ANKS1B: variants seen among roughly 807,000 people sequenced by gnomAD.
ANKS1B encodes the protein ankyrin repeat and sterile alpha motif domain containing 1B.
Under a neutral mutation model 148.3 loss-of-function variants are expected in ANKS1B, and 36 were observed. The ratio of observed to expected loss-of-function variants is 0.24; its 90% CI spans 0.19 to 0.32. The LOEUF (loss-of-function observed/expected upper bound fraction) is 0.32, where lower values mean the gene tolerates loss of function less well. Among genes scored for constraint, ANKS1B ranks in the 10% least tolerant of loss-of-function variants. ANKS1B has a pLI of 1.00. For synonymous variants in ANKS1B, 542 were observed against 560.8 expected (o/e 0.97, Z 0.47); for missense variants, 1,157 against 1,542.6 (o/e 0.75, Z 4.19).
At chr12:98,891,055 G>A (rs1394758093) in intron 17 of ANKS1B, among the ~76,000 whole-genome samples, 1 of 152,154 alleles carries the variant, frequency 6.6e-6, no homozygotes, top group African/African-American at 2.4e-5. Context: ...TTTCAGTTTA[G>A]TACATTAATT....
chr12:99,983,170 G>T (rs2095731743), intron 1 of ANKS1B, among the ~76,000 whole-genome samples: 1 of 152,136 alleles, frequency 6.6e-6, no homozygotes, highest in African/African-American at 2.4e-5. Context: ...AGGATAAATT[G>T]GATAGCCACG....
intron 16 of ANKS1B, among the ~76,000 whole-genome samples, chr12:99,075,247 TTCCTG>T (rs1019598808): frequency 5.8e-4 from 88 of 152,268 alleles, no homozygotes; most frequent in Middle Eastern, 3.4e-3. Context: ...AGTGATGCAT[TTCCTG>T]TCCTGGCAAT....
chr12:99,039,476 G>A (rs570690882), intron 17 of ANKS1B, among the ~76,000 whole-genome samples: 2 of 152,362 alleles, frequency 1.3e-5, no homozygotes, highest in East Asian at 1.9e-4. Context: ...TCTTCAAGGA[G>A]TTTGGTGTCT....
intron 12 of ANKS1B, among the ~76,000 whole-genome samples, chr12:99,348,351 C>A (rs916685276): frequency 1.3e-5 from 2 of 151,806 alleles, no homozygotes; most frequent in Admixed American, 1.3e-4. Context: ...TACCCCCTAC[C>A]TGAACAAATC....
intron 9 of ANKS1B, among the ~76,000 whole-genome samples, chr12:99,507,771 T>C (rs1034761435): frequency 6.6e-6 from 1 of 151,784 alleles, no homozygotes; most frequent in African/African-American, 2.4e-5. Context: ...AGAGAGATAG[T>C]TGAACAAAAT....
At chr12:99,031,038 T>C (rs2099951786) in intron 17 of ANKS1B, among the ~76,000 whole-genome samples, 1 of 152,254 alleles carries the variant, frequency 6.6e-6, no homozygotes, top group African/African-American at 2.4e-5. Context: ...CTATTCCTTC[T>C]TTATTTTCCA....
chr12:99,346,379 A>ACG (rs927581488), intron 12 of ANKS1B, among the ~76,000 whole-genome samples: 1 of 145,574 alleles, frequency 6.9e-6, no homozygotes, highest in Non-Finnish European at 1.5e-5. Flanking sequence ...TCTCTCACAC[A>ACG]CGCACACACA....
In ANKS1B at chr12:99,022,354, C is replaced by T. The variant is rs569304577; in HGVS notation, c.2778+30803G>A. On this transcript the variant is annotated intron_variant, in intron 17 of 26. Coordinates refer to ENST00000683438, the MANE Select transcript of ANKS1B (RefSeq NM_001352186.2). Reference sequence around the variant, plus strand: ...AAGGCTGCACAACAGAGAACTCCCACATTGGACTATAATTTGAATGGGAAA... The same window carrying T: ...AAGGCTGCACAACAGAGAACTCCCATATTGGACTATAATTTGAATGGGAAA... Among the ~76,000 whole-genome samples the T allele has an allele frequency of 8.3e-4, 127 of 152,276 alleles. 1 individual carries two copies. The highest frequency in any genetic ancestry group is 3.0e-3 in the African/African-American group (124 of 41,552).
At chr12:98,819,432 T>A (rs1252023680) in intron 19 of ANKS1B, among the ~76,000 whole-genome samples, 1 of 152,180 alleles carries the variant, frequency 6.6e-6, no homozygotes, top group Non-Finnish European at 1.5e-5. Context: ...CAAATTGTCT[T>A]CAGTCTTAAA....
chr12:99,694,729 AAATT>A (rs1419855402), intron 8 of ANKS1B, among the ~76,000 whole-genome samples: 7 of 152,204 alleles, frequency 4.6e-5, no homozygotes, highest in African/African-American at 1.7e-4. Flanking sequence ...CACATACCAA[AAATT>A]AATAATTAAT....
rs149881911 is a variant in ANKS1B at position 99,746,461 on chromosome 12, A to T, written c.1128+26461T>A. Among the ~76,000 whole-genome samples, 889 of 152,294 alleles carry T rather than the reference A, an allele frequency of 5.8e-3. 8 individuals carry two copies. Among genetic ancestry groups the T allele is most frequent in the Middle Eastern group, 0.01 (3 of 294 alleles). ...TTCATTGCTTGTGGCCTCAGCAGTC[A>T]GTCATTTTCCCTCAAATATTCTCAT... On this transcript the variant is annotated intron_variant, in intron 8 of 26. Transcript: ENST00000683438.
At chr12:98,776,775 A>G (rs1360415926) in intron 24 of ANKS1B, among the ~76,000 whole-genome samples, 1 of 152,232 alleles carries the variant, frequency 6.6e-6, no homozygotes, top group East Asian at 1.9e-4. Flanking sequence ...GGGCGGGGCC[A>G]ACAGTATAGA....
chr12:99,548,988 A>G (rs1284121154), intron 9 of ANKS1B, among the ~76,000 whole-genome samples: 1 of 152,218 alleles, frequency 6.6e-6, no homozygotes, highest in Non-Finnish European at 1.5e-5. Context: ...CCATGGGGAC[A>G]TAACATATAA....
rs12322612 is a variant in ANKS1B, at chr12:99,973,296, C to T, written c.134+10808G>A. ...GCTATAGAACCACTAAGAACATTTG[C>T]GGGCCAGGTGCAGTGGCCCATGCCT... is the stretch of plus-strand genomic sequence containing the variant. On this transcript the variant is annotated intron_variant, in intron 1 of 26. Coordinates refer to ENST00000683438, the MANE Select transcript of ANKS1B (RefSeq NM_001352186.2). 2.2e-3 allele frequency among the ~76,000 whole-genome samples: 334 copies of T among 152,340 alleles called. 1 individual carries two copies. Among genetic ancestry groups the T allele is most frequent in the African/African-American group, 7.7e-3 (319 of 41,584 alleles).
chr12:99,939,314 T>C (rs2094858842), intron 1 of ANKS1B, among the ~76,000 whole-genome samples: 1 of 152,166 alleles, frequency 6.6e-6, no homozygotes. Context: ...GGTCTCAAAC[T>C]CCTGGGCTCA....
At chr12:99,804,637 C>T (rs1193129591) in intron 4 of ANKS1B, among the ~76,000 whole-genome samples, 1 of 152,130 alleles carries the variant, frequency 6.6e-6, no homozygotes, top group African/African-American at 2.4e-5. Context: ...GCACGCATTC[C>T]ACCTGGAGTG....
intron 15 of ANKS1B, among the ~76,000 whole-genome samples, chr12:99,145,684 G>A (rs1231598402): frequency 2.6e-5 from 4 of 152,088 alleles, no homozygotes; most frequent in Non-Finnish European, 5.9e-5. Flanking sequence ...TGCTTTGAGG[G>A]CAGGGCTAGT....
intron 12 of ANKS1B, among the ~76,000 whole-genome samples, chr12:99,362,700 G>C (rs1466955173): frequency 6.6e-6 from 1 of 151,936 alleles, no homozygotes; most frequent in Non-Finnish European, 1.5e-5. Flanking sequence ...TTCCAAGCAT[G>C]TATTTTACCT....
At chr12:99,079,284 CTATTGGAA>C (rs2048870347) in intron 16 of ANKS1B, among the ~76,000 whole-genome samples, 1 of 152,138 alleles carries the variant, frequency 6.6e-6, no homozygotes, top group African/African-American at 2.4e-5. Context: ...TATAAATCAT[CTATTGGAA>C]TAACAGCAAA....
Sources: gnomAD v4.1 joint callset for allele counts (sites outside exome capture counted in the v4.1 genomes callset) on GRCh38, gnomAD v4.1.1 for gene constraint, MANE v1.5 for transcripts, NCBI Gene and HGNC (gene_info 2026-07-23, HGNC 2026-07-21) for gene names.